COL25A1: variants seen among roughly 807,000 people sequenced by gnomAD.
COL25A1 encodes the protein collagen type XXV alpha 1 chain.
COL25A1 carries 103 observed loss-of-function variants against 128.4 expected under a neutral mutation model. The ratio of observed to expected loss-of-function variants is 0.80; its 90% confidence interval spans 0.68 to 0.94. COL25A1 has a LOEUF of 0.94. COL25A1 is among the 40% of genes least tolerant of loss of function. The pLI is 0.00. For missense variants in COL25A1, 745 were observed against 840.0 expected, an observed-to-expected ratio of 0.89 and a Z score of 1.40; for synonymous variants, 279 against 277.2, an observed-to-expected ratio of 1.01 and a Z score of -0.06.
intron 6 of COL25A1, among the ~76,000 whole-genome samples, chr4:109,005,526 AT>A (rs1755880405): frequency 6.6e-6 from 1 of 152,224 alleles, no homozygotes; most frequent in African/African-American, 2.4e-5. Context: ...AATATGGTTT[AT>A]TTTCCCAGCC....
At position 108,887,351 on chromosome 4, in the gene COL25A1, G is replaced by A. The variant is rs76419115; in HGVS notation, c.975+1870C>T. Reference sequence around the variant, plus strand: ...AATGCCGTGGAAGATCTCTTGAAGCGATTCTGTACTCAGTTCAGTTTATTT... The same window carrying A: ...AATGCCGTGGAAGATCTCTTGAAGCAATTCTGTACTCAGTTCAGTTTATTT... On this transcript the variant is annotated intron_variant, in intron 18 of 37. Transcript: ENST00000399132. 4.6e-3 allele frequency among the ~76,000 whole-genome samples: 697 copies of A among 152,238 alleles called. 14 individuals carry two copies. In the East Asian group the frequency reaches 0.062, roughly 14 times the overall value.
chr4:109,105,456 A>T (rs1766339576), intron 3 of COL25A1, among the ~76,000 whole-genome samples: 1 of 152,216 alleles, frequency 6.6e-6, no homozygotes. Flanking sequence ...CTTGGGATAC[A>T]GAGTAAGGGG....
chr4:109,129,372 G>A (rs1423894296), intron 3 of COL25A1, among the ~76,000 whole-genome samples: 4 of 151,906 alleles, frequency 2.6e-5, no homozygotes, highest in Non-Finnish European at 4.4e-5. Flanking sequence ...CAGGAGATCC[G>A]CCCACCTGAG....
At chr4:109,132,242 CACAT>C (rs1769281646) in intron 3 of COL25A1, among the ~76,000 whole-genome samples, 2 of 152,134 alleles carry the variant, frequency 1.3e-5, no homozygotes, top group Admixed American at 6.6e-5. Context: ...AATACACACA[CACAT>C]GCATACACAC....
chr4:109,280,530 A>T (rs1380218837), intron 3 of COL25A1, among the ~76,000 whole-genome samples: 1 of 152,234 alleles, frequency 6.6e-6, no homozygotes, highest in African/African-American at 2.4e-5. Context: ...GAAGACATTC[A>T]TGAGACCATG....
At chr4:108,937,870 G>T (rs1346615968) in intron 10 of COL25A1, 27 bp from the exon 11 acceptor site, 1 of 1,582,310 alleles carries the variant, frequency 6.3e-7, no homozygotes, top group Non-Finnish European at 8.6e-7. Flanking sequence ...GATAATTTTA[G>T]TAACGCTGTA....
chr4:108,861,045 A>G, intron 22 of COL25A1, 74 bp from the exon 23 acceptor site: 1 of 1,289,384 alleles, frequency 7.8e-7, no homozygotes, highest in South Asian at 1.2e-5. Flanking sequence ...GAACATGTTT[A>G]TGCCATACAG....
At chr4:108,969,016 T>A (rs1043887271) in intron 8 of COL25A1, among the ~76,000 whole-genome samples, 7 of 152,130 alleles carry the variant, frequency 4.6e-5, no homozygotes, top group African/African-American at 1.7e-4. Context: ...AACTTTAACC[T>A]GACTACAACT....
At chr4:109,115,385 A>G (rs555488691) in intron 3 of COL25A1, among the ~76,000 whole-genome samples, 134 of 152,198 alleles carry the variant, frequency 8.8e-4, no homozygotes, top group African/African-American at 3.1e-3. Flanking sequence ...ATTTGGTGGG[A>G]GCAGGTAAAG....
intron 5 of COL25A1, among the ~76,000 whole-genome samples, chr4:109,021,591 A>G (rs1724448): frequency 0.51 from 77,111 of 151,942 alleles, 22,264 homozygotes; most frequent in African/African-American, 0.78. Context: ...GAATAATAGT[A>G]ATTTTAAGGA....
chr4:108,904,621 G>T (rs774874674), intron 13 of COL25A1, among the ~76,000 whole-genome samples: 1 of 152,114 alleles, frequency 6.6e-6, no homozygotes, highest in Non-Finnish European at 1.5e-5. Flanking sequence ...ATGGGAACCA[G>T]GTTGTGTGTG....
At chr4:109,085,628 TG>T (rs924255743) in intron 3 of COL25A1, among the ~76,000 whole-genome samples, 2 of 152,196 alleles carry the variant, frequency 1.3e-5, no homozygotes, top group African/African-American at 4.8e-5. Flanking sequence ...AGGGATAGAA[TG>T]CAAAAACTTT....
intron 3 of COL25A1, among the ~76,000 whole-genome samples, chr4:109,158,314 T>TA (rs533170285): frequency 8.8e-4 from 121 of 137,114 alleles, no homozygotes; most frequent in East Asian, 1.9e-3. Flanking sequence ...GTTTTAAAGA[T>TA]AAAAAAAAAA....
chr4:108,850,987 T>C (rs1375722508), intron 26 of COL25A1, among the ~76,000 whole-genome samples: 2 of 152,044 alleles, frequency 1.3e-5, no homozygotes, highest in Admixed American at 1.3e-4. Context: ...AAATGAGATA[T>C]GTATTTAGCT....
At chr4:109,262,543 G>C (rs1394668729) in intron 3 of COL25A1, among the ~76,000 whole-genome samples, 1 of 151,804 alleles carries the variant, frequency 6.6e-6, no homozygotes, top group East Asian at 1.9e-4. Context: ...TCCTACATTA[G>C]TCACAACCAA....
intron 32 of COL25A1, among the ~76,000 whole-genome samples, chr4:108,829,236 C>T (rs536304626): frequency 3.9e-5 from 6 of 152,170 alleles, no homozygotes; most frequent in East Asian, 3.9e-4. Flanking sequence ...AAAGGACGGG[C>T]GCAGTGGCTT....
At position 109,134,872 on chromosome 4, in the gene COL25A1, A is replaced by G. The variant is rs144145584; in HGVS notation, c.368-84693T>C. On this transcript the variant is annotated intron_variant, in intron 3 of 37. Coordinates refer to ENST00000399132, the MANE Select transcript of COL25A1 (RefSeq NM_198721.4). Reference sequence around the variant, plus strand: ...GAGATTTGAAGTCATCAGAATATAGATGATGGATAAAATGCAAGTAAGGAA... The same window carrying G: ...GAGATTTGAAGTCATCAGAATATAGGTGATGGATAAAATGCAAGTAAGGAA... Among the ~76,000 whole-genome samples the G allele has an allele frequency of 3.3e-5, 5 of 152,264 alleles. 1 individual carries two copies. Among genetic ancestry groups the G allele is most frequent in the Admixed American group, 6.5e-5 (1 of 15,282 alleles).
At chr4:108,922,516 C>T (rs774505515) in intron 11 of COL25A1, among the ~76,000 whole-genome samples, 9 of 151,894 alleles carry the variant, frequency 5.9e-5, no homozygotes, top group African/African-American at 1.7e-4. Context: ...TATATAACCC[C>T]GGAAGGGAAT....
At chr4:109,052,205 A>G (rs1423294548) in intron 3 of COL25A1, among the ~76,000 whole-genome samples, 1 of 150,312 alleles carries the variant, frequency 6.7e-6, no homozygotes, top group Non-Finnish European at 1.5e-5. Context: ...CAGACAGAAG[A>G]TTATGAAAAA....
Sources: allele counts gnomAD v4.1 joint callset (sites outside exome capture counted in the v4.1 genomes callset), GRCh38; gene constraint gnomAD v4.1.1; transcripts MANE v1.5; gene names NCBI Gene and HGNC (gene_info 2026-07-23, HGNC 2026-07-21).